Variants in DLGAP2 observed in about 807,000 individuals in gnomAD.
The protein encoded by DLGAP2 is disks large-associated protein 2.
A neutral mutation model predicts 100.3 loss-of-function variants in DLGAP2; 26 were observed. The observed-to-expected ratio is 0.26, with a 90% CI of 0.19 to 0.36. The LOEUF (loss-of-function observed/expected upper bound fraction) is 0.36. Ranked by LOEUF, DLGAP2 falls within the 10% of genes least tolerant of loss-of-function variation. The probability of loss-of-function intolerance (pLI) is 1.00; values close to 1 mark genes in which losing one functional copy is unlikely to be tolerated. For synonymous variants in DLGAP2, 886 were observed against 630.1 expected, an observed-to-expected ratio of 1.41 and a Z score of -6.08; for missense variants, 1,858 against 1,453.2, an observed-to-expected ratio of 1.28 and a Z score of -4.53.
chr8:1,573,829 C>T (rs941414110), intron 6 of DLGAP2, among the ~76,000 whole-genome samples: 2 of 152,252 alleles, frequency 1.3e-5, no homozygotes, highest in South Asian at 2.1e-4. Flanking sequence ...CCCCGACAGC[C>T]GGCAGACCCT....
chr8:1,529,809 A>T (rs1290071255), intron 4 of DLGAP2, among the ~76,000 whole-genome samples: 1 of 152,230 alleles, frequency 6.6e-6, no homozygotes, highest in East Asian at 1.9e-4. Context: ...ACTACAAAAG[A>T]GAGAAATTTT....
chr8:1,551,641 C>T (rs572024231), intron 5 of DLGAP2, among the ~76,000 whole-genome samples: 3 of 152,194 alleles, frequency 2.0e-5, no homozygotes, highest in East Asian at 1.9e-4. Flanking sequence ...ACCCACACAC[C>T]GTCAGCCCCT....
intron 13 of DLGAP2, among the ~76,000 whole-genome samples, chr8:1,696,642 G>C (rs911486531): frequency 6.6e-6 from 1 of 152,210 alleles, no homozygotes; most frequent in Non-Finnish European, 1.5e-5. Flanking sequence ...TGTGGGCGCC[G>C]GTTGGTGAGA....
At chr8:831,217 T>G (rs2132701532) in intron 1 of DLGAP2, among the ~76,000 whole-genome samples, 1 of 151,646 alleles carries the variant, frequency 6.6e-6, no homozygotes, top group African/African-American at 2.4e-5. Flanking sequence ...CTTTTTTTTT[T>G]TTTTTTTTTT....
At chr8:1,615,552 C>A (rs56084881) in intron 6 of DLGAP2, among the ~76,000 whole-genome samples, 2 of 152,094 alleles carry the variant, frequency 1.3e-5, no homozygotes, top group African/African-American at 4.8e-5. Context: ...TGTTAGAACT[C>A]ACCGGAAAGA....
At position 1,650,453 on chromosome 8, in the gene DLGAP2, A is replaced by G. The variant is rs190846951; in HGVS notation, c.1810+17407A>G. Among the ~76,000 whole-genome samples the G allele has an allele frequency of 2.6e-3, 400 of 152,374 alleles. 4 individuals carry two copies. Among genetic ancestry groups the G allele is most frequent in the African/African-American group, 8.9e-3 (372 of 41,588 alleles). On this transcript the variant is annotated intron_variant, in intron 8 of 14. Coordinates refer to ENST00000637795, the MANE Select transcript of DLGAP2 (RefSeq NM_001346810.2). ...AGATCTTGATGTAATTATAAGGCAC[A>G]GGAGTGGTCTCTCACACGCTTATTC...
At chr8:1,465,662 C>G (rs1219123500) in intron 3 of DLGAP2, among the ~76,000 whole-genome samples, 1 of 152,220 alleles carries the variant, frequency 6.6e-6, no homozygotes, top group East Asian at 1.9e-4. Flanking sequence ...TTTGTGGAGA[C>G]TCCACTGGAT....
intron 2 of DLGAP2, among the ~76,000 whole-genome samples, chr8:1,161,494 G>T (rs1302399686): frequency 6.6e-6 from 1 of 152,216 alleles, no homozygotes; most frequent in Non-Finnish European, 1.5e-5. Flanking sequence ...GACAAATTCT[G>T]TTGGGATGTG....
At chr8:1,253,918 T>C (rs1414284837) in intron 2 of DLGAP2, among the ~76,000 whole-genome samples, 1 of 152,188 alleles carries the variant, frequency 6.6e-6, no homozygotes, top group African/African-American at 2.4e-5. Context: ...ATTTTAAACA[T>C]ATGTAACCTG....
chr8:1,359,693 G>A (rs905874994), intron 3 of DLGAP2, among the ~76,000 whole-genome samples: 2 of 152,218 alleles, frequency 1.3e-5, no homozygotes, highest in Non-Finnish European at 2.9e-5. Flanking sequence ...CACGGTAGAC[G>A]CTGGCCTCAG....
intron 2 of DLGAP2, among the ~76,000 whole-genome samples, chr8:1,103,361 TGACTGACGGGGACTTGGTTAACGGTGAC>T (rs1563193383): frequency 6.5e-4 from 98 of 151,746 alleles, no homozygotes; most frequent in Non-Finnish European, 8.1e-4. Context: ...TTAACGGTGA[TGACTGACGGGGACTTGGTTAACGGTGAC>T]GACTGGCAGG....
At chr8:781,550 G>A (rs557986735) in intron 1 of DLGAP2, among the ~76,000 whole-genome samples, 141 of 152,308 alleles carry the variant, frequency 9.3e-4, no homozygotes, top group Admixed American at 2.6e-3. Flanking sequence ...CTCAAAAGTG[G>A]GGTGTTGCCC....
At chr8:1,381,791 G>GTC (rs1199976342) in intron 3 of DLGAP2, among the ~76,000 whole-genome samples, 2 of 116,826 alleles carry the variant, frequency 1.7e-5, no homozygotes, top group African/African-American at 8.1e-5. Context: ...TAGTGTGTGT[G>GTC]TGTGTGTGTG....
chr8:913,912 G>A (rs1798539939), intron 2 of DLGAP2, among the ~76,000 whole-genome samples: 1 of 152,226 alleles, frequency 6.6e-6, no homozygotes, highest in African/African-American at 2.4e-5. Context: ...ACGGCCCCCG[G>A]AGCCCCGGGA....
At chr8:835,119 G>A (rs927152171) in intron 1 of DLGAP2, among the ~76,000 whole-genome samples, 2 of 152,104 alleles carry the variant, frequency 1.3e-5, no homozygotes, top group South Asian at 2.1e-4. Context: ...GTGGAGGGGG[G>A]GCTGCTTTCA....
chr8:1,341,291 G>T (rs1336635967), intron 3 of DLGAP2, among the ~76,000 whole-genome samples: 1 of 152,138 alleles, frequency 6.6e-6, no homozygotes, highest in East Asian at 1.9e-4. Flanking sequence ...CCTTTTGTTT[G>T]AAAAATAAGC....
intron 6 of DLGAP2, 57 bp downstream of exon 6, chr8:1,565,951 C>T: frequency 6.8e-7 from 1 of 1,468,368 alleles, no homozygotes; most frequent in Non-Finnish European, 9.2e-7. Context: ...CTGCGAGCTC[C>T]CTCTCCAAAA....
chr8:933,495 C>CG (rs1168728620), intron 2 of DLGAP2, among the ~76,000 whole-genome samples: 16 of 134,696 alleles, frequency 1.2e-4, no homozygotes, highest in African/African-American at 8.6e-5. Context: ...GCTGTGGGCA[C>CG]AAGGGTGAGG....
intron 5 of DLGAP2, among the ~76,000 whole-genome samples, chr8:1,555,797 C>G (rs1801945033): frequency 6.6e-6 from 1 of 152,246 alleles, no homozygotes; most frequent in African/African-American, 2.4e-5. Context: ...GACGGAAATT[C>G]CAGCAATGTT....
Sources: gnomAD v4.1 joint callset for allele counts (sites outside exome capture counted in the v4.1 genomes callset) on GRCh38, gnomAD v4.1.1 for gene constraint, MANE v1.5 for transcripts, NCBI Gene and HGNC (gene_info 2026-07-23, HGNC 2026-07-21) for gene names.